Variants in ABHD16A observed in about 807,000 individuals in gnomAD.
ABHD16A encodes the protein abhydrolase domain containing 16A, phospholipase, also known as phosphatidylserine lipase ABHD16A.
A neutral mutation model predicts 89.8 loss-of-function variants in ABHD16A; 47 were observed. The observed-to-expected ratio is 0.52, with a 90% CI of 0.41 to 0.67. The LOEUF (loss-of-function observed/expected upper bound fraction) is 0.67. ABHD16A is among the 30% of genes least tolerant of loss of function. The pLI, the probability that ABHD16A is intolerant of heterozygous loss-of-function variation, is 0.00. For synonymous variants in ABHD16A, 251 were observed against 280.4 expected (o/e 0.90, Z 1.05); for missense variants, 580 against 734.6 (o/e 0.79, Z 2.43).
intron 1 of ABHD16A, 156 bp downstream of exon 1, chr6:31,702,994 C>CT: frequency 4.5e-6 from 6 of 1,344,946 alleles, no homozygotes; most frequent in South Asian, 4.2e-5. Context: ...GTAGGCGTGA[C>CT]TTTAACTCAG....
rs1466744749 is a variant in ABHD16A at position 31,698,568 on chromosome 6, C to T, written c.344-1535G>A. Among the ~76,000 whole-genome samples, 3 of 152,036 alleles carry T rather than the reference C, an allele frequency of 2.0e-5. No homozygotes were observed. The highest frequency in any genetic ancestry group is 4.8e-5 in the African/African-American group (2 of 41,386). On this transcript the variant is annotated intron_variant, in intron 4 of 19. Transcript: ENST00000395952. This position sits in a 1 kb window ranked among gnomAD's most constrained non-coding sequence, Gnocchi z 4.1. ...TGATGTGCTCTCGGCTCACTGCAAC[C>T]TCCGCCTCCCGGGTTCAAGTGATTC...
In ABHD16A at chr6:31,691,792, G is replaced by C; in HGVS notation, c.741+12C>G. On this transcript the variant is annotated intron_variant, in intron 8 of 19. Transcript: ENST00000395952. ...GAGGGCTTTAGGGGATGTGCGGGCA[G>C]GGAAGCCTCACCTCTTCCACCAGTC... 6.2e-7 allele frequency: 1 copy of C among 1,603,356 alleles called. No homozygotes were observed. The highest frequency in any genetic ancestry group is 8.5e-7 in the Non-Finnish European group (1 of 1,174,184).
At position 31,688,916 on chromosome 6, in the gene ABHD16A, C is replaced by T. The variant is rs753332134; in HGVS notation, c.1186+99G>A. ...AGTCCTCCTGCTTCCAACAATGGGG[C>T]GACTTACTCCCCACCCAAGAAAAGG... On this transcript the variant is annotated intron_variant, in intron 13 of 19. Transcript: ENST00000395952. This position sits in a 1 kb window ranked among gnomAD's most constrained non-coding sequence, Gnocchi z 4.9. The T allele has an allele frequency of 4.4e-5, 61 of 1,395,116 alleles. No individual in the cohort carries two copies. The highest frequency in any genetic ancestry group is 5.5e-5 in the Non-Finnish European group (56 of 1,011,114). 86.4% of individuals were successfully genotyped at this position (1,395,116 alleles called of 1,614,324 possible).
chr6:31,689,225 A>G (rs373727263), intron 12 of ABHD16A, 106 bp from the exon 13 acceptor site: 3 of 1,007,596 alleles, frequency 3.0e-6, no homozygotes, highest in African/African-American at 1.6e-5. Flanking sequence ...CATTCCCCCT[A>G]TGTTATCCCT....
chr6:31,690,192 G>GAGA lies in ABHD16A; in HGVS notation c.908-66_908-65insTCT. The stretch of plus-strand genomic sequence containing the variant: ...CACAGCCCTTTCTCCATCCCTGGGG[G>GAGA]AAGGAAGAGCAGAAGTACCCCCCAG... On this transcript the variant is annotated intron_variant, in intron 10 of 19. Transcript: ENST00000395952. The surrounding 1 kb of genome is among the most constrained non-coding windows in gnomAD (Gnocchi z 4.1). The GAGA allele has an allele frequency of 6.9e-7, 1 of 1,449,594 alleles. No individual in the cohort carries two copies. Among genetic ancestry groups the GAGA allele is most frequent in the Non-Finnish European group, 9.3e-7 (1 of 1,071,920 alleles). 89.8% of individuals were successfully genotyped at this position (1,449,594 alleles called of 1,614,324 possible).
intron 3 of ABHD16A, 32 bp downstream of exon 3, chr6:31,701,242 T>C (rs1235171328): frequency 6.3e-7 from 1 of 1,595,506 alleles, no homozygotes; most frequent in East Asian, 2.2e-5. Flanking sequence ...CCTGCCCATT[T>C]GCTACCCCAC....
chr6:31,692,251 A>G (rs558651221), intron 7 of ABHD16A: 5 of 256,744 alleles, frequency 1.9e-5, no homozygotes, highest in Non-Finnish European at 3.7e-5. Flanking sequence ...CTGTTAAAAT[A>G]TAAGTACAAC....
intron 4 of ABHD16A, among the ~76,000 whole-genome samples, chr6:31,697,989 G>A (rs1265444438): frequency 6.6e-6 from 1 of 152,160 alleles, no homozygotes; most frequent in Non-Finnish European, 1.5e-5. Flanking sequence ...GAATGAACCA[G>A]AACTTTATGT....
chr6:31,691,293 A>C (rs964677749), intron 9 of ABHD16A, among the ~76,000 whole-genome samples: 1 of 152,184 alleles, frequency 6.6e-6, no homozygotes, highest in African/African-American at 2.4e-5. Flanking sequence ...TTGAGAATTA[A>C]ATATATATGC....
In ABHD16A at chr6:31,702,070, A is replaced by T. The variant is rs765403213; in HGVS notation, c.189+4T>A. 1 of 1,613,112 alleles carries T rather than the reference A, an allele frequency of 6.2e-7. No individual in the cohort carries two copies. Among genetic ancestry groups the T allele is most frequent in the Non-Finnish European group, 8.5e-7 (1 of 1,180,038 alleles). Reference sequence around the variant, plus strand: ...CAGAGTCCCAGATGCCAGGGTAGACATACCAGTGCCAGGATGCTGTCAGCA... The same window carrying T: ...CAGAGTCCCAGATGCCAGGGTAGACTTACCAGTGCCAGGATGCTGTCAGCA... On this transcript the variant is annotated splice_donor_region_variant and intron_variant, in intron 2 of 19. Coordinates refer to ENST00000395952, the MANE Select transcript of ABHD16A (RefSeq NM_021160.3).
At position 31,687,579 on chromosome 6, in the gene ABHD16A, T is replaced by C. The variant is rs970613978; in HGVS notation, c.1547-35A>G. ...GGAGGCGCTCAAAATAGGCCACACA[T>C]CTGGGTATTCATCCCCTTCCTAGGC... On this transcript the variant is annotated intron_variant, in intron 18 of 19. Coordinates refer to ENST00000395952, the MANE Select transcript of ABHD16A (RefSeq NM_021160.3). The surrounding 1 kb of genome is among the most constrained non-coding windows in gnomAD (Gnocchi z 6.3). 1 of 1,612,912 alleles carries C rather than the reference T, an allele frequency of 6.2e-7. No individual in the cohort carries two copies. The highest frequency in any genetic ancestry group is 1.7e-5 in the Admixed American group (1 of 59,994).
At position 31,688,831 on chromosome 6, in the gene ABHD16A, G is replaced by C. The variant is rs1168297244; in HGVS notation, c.1187-45C>G. On this transcript the variant is annotated intron_variant, in intron 13 of 19. Coordinates refer to ENST00000395952, the MANE Select transcript of ABHD16A (RefSeq NM_021160.3). This position sits in a 1 kb window ranked among gnomAD's most constrained non-coding sequence, Gnocchi z 4.9. ...AAGGGATGGCAGAGACAAAGCCCTT[G>C]CCCAACATAAAGGTCCTCACTATTC... 1 of 1,587,282 alleles carries C rather than the reference G, an allele frequency of 6.3e-7. No individual in the cohort carries two copies. Among genetic ancestry groups the C allele is most frequent in the Non-Finnish European group, 8.6e-7 (1 of 1,159,592 alleles).
In ABHD16A at chr6:31,690,372, G is replaced by A; in HGVS notation, c.907+167C>T. ...ATAGCTAGGGACACAGGCCAGGGGA[G>A]GGATGTAAGGTTATCAAAGCAAATG... On this transcript the variant is annotated intron_variant, in intron 10 of 19. Coordinates refer to ENST00000395952, the MANE Select transcript of ABHD16A (RefSeq NM_021160.3). This position sits in a 1 kb window ranked among gnomAD's most constrained non-coding sequence, Gnocchi z 4.1. 1 of 752,968 alleles carries A rather than the reference G, an allele frequency of 1.3e-6. No homozygotes were observed. 46.6% of individuals were successfully genotyped at this position (752,968 alleles called of 1,614,324 possible).
rs762085405 is a variant in ABHD16A at position 31,688,700 on chromosome 6, G to A, written c.1250+23C>T. On this transcript the variant is annotated intron_variant, in intron 14 of 19. Transcript: ENST00000395952. This position sits in a 1 kb window ranked among gnomAD's most constrained non-coding sequence, Gnocchi z 4.9. ...GCTGTATGGGGGGCAGGTGTTCAATGCCGGACGCTGGCCGGCCCTCACCTG... is the reference window on the plus strand; with the variant it reads ...GCTGTATGGGGGGCAGGTGTTCAATACCGGACGCTGGCCGGCCCTCACCTG... 2.5e-6 allele frequency: 4 copies of A among 1,612,442 alleles called. No individual in the cohort carries two copies. In the South Asian group the frequency reaches 4.4e-5, roughly 18 times the overall value.
In ABHD16A at chr6:31,691,519, C is replaced by T. The variant is rs1490954748; in HGVS notation, c.843+60G>A. The T allele has an allele frequency of 5.2e-6, 8 of 1,543,138 alleles. No individual in the cohort carries two copies. In the African/African-American group the frequency reaches 1.1e-4, roughly 21 times the overall value. On this transcript the variant is annotated intron_variant, in intron 9 of 19. Transcript: ENST00000395952. ...GGGAGGTGCTATAGCATTGGGGTCC[C>T]CAGACCTCTACTGCCTTCCTCACAC...
rs756804145 is a variant in ABHD16A, at chr6:31,687,814, C to A, written c.1447+10G>T. 1 of 1,612,968 alleles carries A rather than the reference C, an allele frequency of 6.2e-7. No individual in the cohort carries two copies. Among genetic ancestry groups the A allele is most frequent in the Admixed American group, 1.7e-5 (1 of 60,014 alleles). ...GCCCCCGCCCCAAGCCTCACTGGAT[C>A]CCTTCTCACCTTCCTCCAGCTGTGA... is the stretch of plus-strand genomic sequence containing the variant. On this transcript the variant is annotated intron_variant, in intron 17 of 19. Transcript: ENST00000395952. This position sits in a 1 kb window ranked among gnomAD's most constrained non-coding sequence, Gnocchi z 6.3.
rs1018190749 is a variant in ABHD16A, at chr6:31,698,389, A to T, written c.344-1356T>A. Reference sequence around the variant, plus strand: ...TGTTGACAGAAAGCATTTAAAGCAAATATCACAAAACTATATATAAAAAAA... The same window carrying T: ...TGTTGACAGAAAGCATTTAAAGCAATTATCACAAAACTATATATAAAAAAA... On this transcript the variant is annotated intron_variant, in intron 4 of 19. Transcript: ENST00000395952. This position sits in a 1 kb window ranked among gnomAD's most constrained non-coding sequence, Gnocchi z 4.1. 6.6e-6 allele frequency among the ~76,000 whole-genome samples: 1 copy of T among 151,822 alleles called. No individual in the cohort carries two copies. Among genetic ancestry groups the T allele is most frequent in the Admixed American group, 6.6e-5 (1 of 15,256 alleles).
intron 1 of ABHD16A, chr6:31,702,788 G>C: frequency 6.9e-7 from 1 of 1,453,228 alleles, no homozygotes; most frequent in East Asian, 2.7e-5. Flanking sequence ...CTGAAGAAGA[G>C]GAAACTGGGA....
At chr6:31,697,843 G>C (rs1804547404) in intron 4 of ABHD16A, among the ~76,000 whole-genome samples, 1 of 152,204 alleles carries the variant, frequency 6.6e-6, no homozygotes, top group African/African-American at 2.4e-5. Flanking sequence ...CTACACACGG[G>C]AGACTCAGCA....
Sources: allele counts gnomAD v4.1 joint callset (sites outside exome capture counted in the v4.1 genomes callset), GRCh38; gene constraint gnomAD v4.1.1; non-coding constraint Gnocchi (gnomAD v3.1); transcripts MANE v1.5; gene names NCBI Gene and HGNC (gene_info 2026-07-23, HGNC 2026-07-21).